RREB1: variants seen among roughly 807,000 people sequenced by gnomAD.
RREB1 encodes ras responsive element binding protein 1.
Under a neutral mutation model 117.8 loss-of-function variants are expected in RREB1, and 27 were observed. The ratio of observed to expected loss-of-function variants is 0.23; its 90% CI spans 0.17 to 0.32. The LOEUF (loss-of-function observed/expected upper bound fraction) is 0.32. Ranked by LOEUF, RREB1 falls within the 10% of genes least tolerant of loss-of-function variation. RREB1 has a pLI of 1.00. For missense variants in RREB1, 2,577 were observed against 2,378.2 expected (o/e 1.08, Z -1.74); for synonymous variants, 1,298 against 1,026.7 (o/e 1.26, Z -5.05).
intron 2 of RREB1, among the ~76,000 whole-genome samples, chr6:7,177,970 A>T (rs1313680151): frequency 6.6e-6 from 1 of 152,070 alleles, no homozygotes; most frequent in Non-Finnish European, 1.5e-5. Context: ...TGATCTGCCT[A>T]CCCTGGCCTC....
At chr6:7,219,092 C>CAAAAAAAA (rs57534871) in intron 8 of RREB1, 39 of 40,530 alleles carry the variant, frequency 9.6e-4, no homozygotes, top group Admixed American at 1.6e-3. Flanking sequence ...TACTAAAATA[C>CAAAAAAAA]AAAAAAAAAA....
chr6:7,228,521 T>TA (rs1192556743), intron 9 of RREB1, among the ~76,000 whole-genome samples: 5 of 140,020 alleles, frequency 3.6e-5, no homozygotes, highest in African/African-American at 8.3e-5. Flanking sequence ...TTTTTTTTTT[T>TA]AAGGCAGAGT....
At chr6:7,246,372 G>A (rs919307393) in intron 11 of RREB1, 52 bp from the exon 12 acceptor site, 5 of 1,413,918 alleles carry the variant, frequency 3.5e-6, no homozygotes, top group Non-Finnish European at 4.6e-6. Flanking sequence ...CCCTGGCATG[G>A]GCGTACCTGG....
chr6:7,189,380 G>A, intron 6 of RREB1, 58 bp downstream of exon 6: 1 of 1,478,280 alleles, frequency 6.8e-7, no homozygotes, highest in Non-Finnish European at 9.1e-7. Flanking sequence ...TTGGCAGGCA[G>A]GACAGTGGCC....
intron 8 of RREB1, among the ~76,000 whole-genome samples, chr6:7,222,930 C>G (rs1767347004): frequency 6.6e-6 from 1 of 152,064 alleles, no homozygotes; most frequent in Non-Finnish European, 1.5e-5. Flanking sequence ...TATTCATAAC[C>G]AATAGGCTGT....
intron 6 of RREB1, among the ~76,000 whole-genome samples, chr6:7,203,316 C>T (rs1766088778): frequency 6.6e-6 from 1 of 152,180 alleles, no homozygotes; most frequent in South Asian, 2.1e-4. Flanking sequence ...AGGATTGCAC[C>T]ACTGCACTCT....
At chr6:7,181,082 A>G in intron 2 of RREB1, 42 bp from the exon 3 acceptor site, 1 of 398,004 alleles carries the variant, frequency 2.5e-6, no homozygotes, top group Non-Finnish European at 4.4e-6. Flanking sequence ...TTTCTTCACT[A>G]AGTGAAAAGA....
At chr6:7,135,538 A>G (rs1333076953) in intron 1 of RREB1, among the ~76,000 whole-genome samples, 1 of 152,058 alleles carries the variant, frequency 6.6e-6, no homozygotes, top group East Asian at 1.9e-4. Context: ...TGCCTCTTTC[A>G]TTGCTGTTCT....
intron 10 of RREB1, among the ~76,000 whole-genome samples, chr6:7,232,511 T>C (rs1768061085): frequency 1.3e-5 from 2 of 152,190 alleles, no homozygotes; most frequent in Admixed American, 1.3e-4. Flanking sequence ...GTAGAATGTT[T>C]TAAAATTTCT....
chr6:7,248,844 G>T lies in RREB1; in HGVS notation c.5105G>T (p.Gly1702Val), dbSNP rs1769270149. The T allele has an allele frequency of 6.2e-7, 1 of 1,610,798 alleles. No individual in the cohort carries two copies. Among genetic ancestry groups the T allele is most frequent in the Non-Finnish European group, 8.5e-7 (1 of 1,178,810 alleles). The change falls in exon 13 of 13, where the codon GGT becomes GTT. Residue 1702 changes from glycine (G) to valine (V), a missense_variant. By Grantham distance (109) the Gly-to-Val change is moderately radical (BLOSUM62 -3). Transcript: ENST00000379938. ...TAGWPSEPGQ[G>V]DLNPESPAAL... ...GGGTGGCCGTCTGAGCCTGGCCAGG[G>T]TGACCTTAACCCAGAGAGCCCGGCG...
intron 10 of RREB1, among the ~76,000 whole-genome samples, chr6:7,235,890 T>C (rs1768282157): frequency 6.6e-6 from 1 of 152,218 alleles, no homozygotes; most frequent in South Asian, 2.1e-4. Context: ...CTCAGCCTTT[T>C]CTTGCTCCCG....
intron 6 of RREB1, among the ~76,000 whole-genome samples, chr6:7,208,223 A>G (rs1029527930): frequency 6.6e-6 from 1 of 152,180 alleles, no homozygotes; most frequent in Non-Finnish European, 1.5e-5. Context: ...GCTTGAGGGA[A>G]GGGGTCATTA....
intron 1 of RREB1, among the ~76,000 whole-genome samples, chr6:7,144,038 G>A (rs188261386): frequency 1.3e-5 from 2 of 151,406 alleles, no homozygotes; most frequent in East Asian, 3.9e-4. Context: ...TTATTAAAGG[G>A]GGAATTGTTT....
intron 1 of RREB1, among the ~76,000 whole-genome samples, chr6:7,142,130 G>T (rs1187406662): frequency 1.3e-5 from 2 of 152,032 alleles, no homozygotes; most frequent in Non-Finnish European, 2.9e-5. Context: ...CAGGAGAATC[G>T]CTTGAACTTG....
intron 1 of RREB1, among the ~76,000 whole-genome samples, chr6:7,148,209 G>A (rs1385068628): frequency 6.6e-6 from 1 of 152,118 alleles, no homozygotes; most frequent in African/African-American, 2.4e-5. Flanking sequence ...CTTTAGGCCT[G>A]CACTTCAGCA....
At chr6:7,225,094 C>G (rs981196933) in intron 8 of RREB1, among the ~76,000 whole-genome samples, 1 of 152,198 alleles carries the variant, frequency 6.6e-6, no homozygotes, top group Non-Finnish European at 1.5e-5. Context: ...TTCGTTATCT[C>G]TTTATTTCCA....
chr6:7,226,405 C>A, intron 8 of RREB1, 62 bp from the exon 9 acceptor site: 1 of 1,284,228 alleles, frequency 7.8e-7, no homozygotes, highest in South Asian at 1.6e-5. Flanking sequence ...GAAACTCTGA[C>A]TTAACTGCTT....
Position 7,251,014 on chromosome 6 carries a change from G to A in RREB1, c.*2046G>A, listed in dbSNP as rs1174460418. The A allele has an allele frequency of 2.0e-5, 3 of 151,752 alleles. No homozygotes were observed. Among genetic ancestry groups the A allele is most frequent in the Non-Finnish European group, 4.4e-5 (3 of 67,956 alleles). 9.4% of individuals were successfully genotyped at this position (151,752 alleles called of 1,614,324 possible). On this transcript the variant is annotated 3_prime_UTR_variant, in exon 13 of 13. Transcript: ENST00000379938. ...TACAGTTGTTATTGTTGTTTTTGTTGTTATTATTATTTGGGGTTTCTTGTG... is the reference window on the plus strand; with the variant it reads ...TACAGTTGTTATTGTTGTTTTTGTTATTATTATTATTTGGGGTTTCTTGTG...
In RREB1 at chr6:7,231,465, C is replaced by T. The variant is rs369793962; in HGVS notation, c.3366C>T (p.Ser1122=). ...CCGCCACCCCCGCTGCCACCACCAG[C>T]CCAAAAGAGTCTAGTGAGCCTCCCG... ...ATTATPAATT[S]PKESSEPPAP... The change falls in exon 10 of 13, where the codon AGC becomes AGT. Residue 1122 remains serine, a synonymous_variant. Transcript: ENST00000379938. 8.9e-5 allele frequency: 144 copies of T among 1,613,016 alleles called. No homozygotes were observed. Among genetic ancestry groups the T allele is most frequent in the Non-Finnish European group, 1.1e-4 (134 of 1,179,748 alleles).
Sources: gnomAD v4.1 joint callset for allele counts (sites outside exome capture counted in the v4.1 genomes callset) on GRCh38, gnomAD v4.1.1 for gene constraint, MANE v1.5 for transcripts, NCBI Gene and HGNC (gene_info 2026-07-23, HGNC 2026-07-21) for gene names.